The following VPS33A variants were observed in gnomAD, a reference collection of about 807,000 sequenced individuals.
VPS33A encodes the protein vacuolar protein sorting-associated protein 33A.
In VPS33A, 32 loss-of-function variants were observed where a neutral mutation model predicts 71.8. That is an observed-to-expected ratio of 0.45 (90% CI 0.34 to 0.60). The LOEUF is 0.60. Ranked by LOEUF, VPS33A falls within the 20% of genes least tolerant of loss-of-function variation. The probability of loss-of-function intolerance (pLI) is 0.02; values close to 1 mark genes in which losing one functional copy is unlikely to be tolerated. For synonymous variants in VPS33A, 311 were observed against 292.7 expected, an observed-to-expected ratio of 1.06 and a Z score of -0.64; for missense variants, 625 against 748.5, an observed-to-expected ratio of 0.84 and a Z score of 1.92.
chr12:122,252,212 G>A (rs1954854683), intron 4 of VPS33A, among the ~76,000 whole-genome samples: 1 of 152,064 alleles, frequency 6.6e-6, no homozygotes, highest in Non-Finnish European at 1.5e-5. Context: ...AGCTATGTTC[G>A]CACCGCCACA....
intron 2 of VPS33A, 69 bp downstream of exon 2, chr12:122,264,064 TA>T (rs1360077011): frequency 7.6e-7 from 1 of 1,319,214 alleles, no homozygotes; most frequent in Non-Finnish European, 1.0e-6. Flanking sequence ...GGAAGAAATA[TA>T]AAATCCTATT....
intron 6 of VPS33A, among the ~76,000 whole-genome samples, chr12:122,245,318 G>A (rs1244340052): frequency 6.6e-6 from 1 of 151,916 alleles, no homozygotes. Flanking sequence ...ATACATGTGT[G>A]TATATACTGG....
At chr12:122,233,007 G>C in intron 11 of VPS33A, 39 bp from the exon 12 acceptor site, 5 of 1,526,558 alleles carry the variant, frequency 3.3e-6, no homozygotes, top group Non-Finnish European at 4.4e-6. Context: ...TATAGATACA[G>C]AGACTTAGAG....
intron 7 of VPS33A, 27 bp downstream of exon 7, chr12:122,244,542 C>G (rs745861903): frequency 1.9e-6 from 3 of 1,565,244 alleles, no homozygotes; most frequent in Non-Finnish European, 2.6e-6. Flanking sequence ...CCTAGAGTTG[C>G]AGAATGACAC....
At chr12:122,241,465 T>G (rs1194560222) in intron 8 of VPS33A, among the ~76,000 whole-genome samples, 1 of 151,928 alleles carries the variant, frequency 6.6e-6, no homozygotes, top group Non-Finnish European at 1.5e-5. Flanking sequence ...CCACCACACC[T>G]GGCTAATTTT....
At chr12:122,239,017 A>C (rs1376496204) in intron 9 of VPS33A, among the ~76,000 whole-genome samples, 2 of 138,448 alleles carry the variant, frequency 1.4e-5, no homozygotes, top group African/African-American at 5.1e-5. Context: ...ACACACACAC[A>C]CACACCCCCC....
chr12:122,248,060 C>CTCTGTGTGTG (rs1555248711), intron 6 of VPS33A: 1 of 148,332 alleles, frequency 6.7e-6, no homozygotes, highest in African/African-American at 2.5e-5. Flanking sequence ...CCAAATCCAG[C>CTCTGTGTGTG]TGTGTGTGTG....
chr12:122,251,402 G>C (rs1954841952), intron 4 of VPS33A, among the ~76,000 whole-genome samples: 1 of 152,198 alleles, frequency 6.6e-6, no homozygotes, highest in East Asian at 1.9e-4. Flanking sequence ...TTAAATAAAA[G>C]ACGGAAGAAT....
chr12:122,266,162 G>A (rs944854899), intron 1 of VPS33A, 145 bp downstream of exon 1: 2 of 1,219,456 alleles, frequency 1.6e-6, no homozygotes, highest in African/African-American at 1.5e-5. Flanking sequence ...CTCCTGCACA[G>A]GGGTGCAGGT....
At chr12:122,251,229 T>C (rs974005586) in intron 4 of VPS33A, 130 bp from the exon 5 acceptor site, 3 of 662,760 alleles carry the variant, frequency 4.5e-6, no homozygotes, top group African/African-American at 3.6e-5. Flanking sequence ...GCCAGGAAAA[T>C]TGGGGACTCA....
At chr12:122,254,784 G>C (rs1236418753) in intron 4 of VPS33A, among the ~76,000 whole-genome samples, 1 of 152,120 alleles carries the variant, frequency 6.6e-6, no homozygotes, top group Non-Finnish European at 1.5e-5. Context: ...AGGCGCGGTG[G>C]CTCACGCCTG....
chr12:122,265,943 T>G (rs1302118636), intron 1 of VPS33A, among the ~76,000 whole-genome samples: 3 of 152,198 alleles, frequency 2.0e-5, no homozygotes, highest in Non-Finnish European at 4.4e-5. Context: ...GGTACACGTA[T>G]GATCCCTGTA....
intron 4 of VPS33A, among the ~76,000 whole-genome samples, chr12:122,257,232 G>A (rs1954930599): frequency 6.6e-6 from 1 of 151,944 alleles, no homozygotes; most frequent in Non-Finnish European, 1.5e-5. Flanking sequence ...ATCGAGATCA[G>A]TCTGGGCAAC....
At chr12:122,243,948 A>G (rs1954745715) in intron 7 of VPS33A, among the ~76,000 whole-genome samples, 1 of 152,186 alleles carries the variant, frequency 6.6e-6, no homozygotes, top group Non-Finnish European at 1.5e-5. Context: ...TACTCAGTGA[A>G]AAATTCATTT....
chr12:122,240,768 A>G (rs1256247801), intron 8 of VPS33A, among the ~76,000 whole-genome samples: 1 of 152,230 alleles, frequency 6.6e-6, no homozygotes, highest in Non-Finnish European at 1.5e-5. Context: ...AAAATACTCA[A>G]CATATACTCT....
chr12:122,257,696 T>G (rs1184343985), intron 4 of VPS33A, among the ~76,000 whole-genome samples: 1 of 152,028 alleles, frequency 6.6e-6, no homozygotes. Flanking sequence ...TTTTCTTCTT[T>G]GTCTGCAGAG....
At chr12:122,256,071 C>T (rs1253203247) in intron 4 of VPS33A, among the ~76,000 whole-genome samples, 3 of 152,074 alleles carry the variant, frequency 2.0e-5, no homozygotes, top group East Asian at 1.9e-4. Flanking sequence ...GCTGGGATTA[C>T]GGGCATGAAC....
In VPS33A at chr12:122,232,225, G is replaced by A; in HGVS notation, c.*21C>T. On this transcript the variant is annotated 3_prime_UTR_variant, in exon 13 of 13. Transcript: ENST00000267199. ...AGGTAGTTTATTCTGCAGTACACTTGTTAAGTCTCCTCTGAACATCCTAGA... is the reference window on the plus strand; with the variant it reads ...AGGTAGTTTATTCTGCAGTACACTTATTAAGTCTCCTCTGAACATCCTAGA... The A allele has an allele frequency of 1.3e-6, 2 of 1,597,574 alleles. No homozygotes were observed. Among genetic ancestry groups the A allele is most frequent in the Non-Finnish European group, 8.5e-7 (1 of 1,172,500 alleles).
intron 3 of VPS33A, among the ~76,000 whole-genome samples, chr12:122,262,253 T>C (rs893659583): frequency 6.6e-6 from 1 of 152,110 alleles, no homozygotes; most frequent in Non-Finnish European, 1.5e-5. Flanking sequence ...TCTCTCTCTC[T>C]TTCTTCCCCC....
Sources: allele counts gnomAD v4.1 joint callset (sites outside exome capture counted in the v4.1 genomes callset), GRCh38; gene constraint gnomAD v4.1.1; transcripts MANE v1.5; gene names NCBI Gene and HGNC (gene_info 2026-07-23, HGNC 2026-07-21).